The following FAM167A variants were observed in gnomAD, a reference collection of about 807,000 sequenced individuals.
FAM167A encodes family with sequence similarity 167 member A.
A neutral mutation model predicts 14.9 loss-of-function variants in FAM167A; 23 were observed. That is an observed-to-expected ratio of 1.55 (90% CI 1.11 to 2.19). FAM167A has a LOEUF of 2.19. FAM167A is among the 30% of genes most tolerant of loss of function. The pLI is 0.00. For missense variants in FAM167A, 401 were observed against 281.5 expected (o/e 1.42, Z -3.04); for synonymous variants, 174 against 117.7 (o/e 1.48, Z -3.10).
upstream of FAM167A, among the ~76,000 whole-genome samples, chr8:11,471,036 G>T (rs928725237): frequency 1.3e-5 from 2 of 152,230 alleles, no homozygotes; most frequent in African/African-American, 4.8e-5. Context: ...AGACATGGGA[G>T]TGTGGCGCAC....
rs777749973 is a variant in FAM167A at position 11,444,291 on chromosome 8, T to A, written c.121A>T (p.Thr41Ser). The change falls in exon 2 of 3, where the codon ACC becomes TCC. Residue 41 changes from threonine to serine, a missense_variant. Physicochemically the swap from Thr to Ser is moderately conservative, Grantham distance 58 (BLOSUM62 1). Transcript: ENST00000284486. ...CATTCCAGGTAGGAGGGCCTGCGGG[T>A]CTCCAGCCTCAGTTTCTCGGTGAGG... ...KALTEKLRLETRRPSYLEWQA... is the reference protein window; with the variant it reads ...KALTEKLRLESRRPSYLEWQA... 10 of 1,611,444 alleles carry A rather than the reference T, an allele frequency of 6.2e-6. No homozygotes were observed.
rs1458370578 is a variant in FAM167A at position 11,424,560 on chromosome 8, A to G, written c.458T>C (p.Ile153Thr). Residue 153 changes from isoleucine to threonine, a missense_variant, in exon 3 of 3, where the codon ATC becomes ACC. Physicochemically the swap from Ile to Thr is moderately conservative, Grantham distance 89 (BLOSUM62 -1). Coordinates refer to ENST00000284486, the MANE Select transcript of FAM167A (RefSeq NM_053279.3). Reference protein sequence around the residue: ...RLRGDINKLKIEHTCRLHRRM... With the variant: ...RLRGDINKLKTEHTCRLHRRM... ...CCTGTGGAGGCGGCAGGTGTGTTCG[A>G]TTTTCAGCTTGTTGATGTCGCCACG... 6 of 1,613,844 alleles carry G rather than the reference A, an allele frequency of 3.7e-6. No individual in the cohort carries two copies. The highest frequency in any genetic ancestry group is 3.4e-6 in the Non-Finnish European group (4 of 1,179,884).
chr8:11,434,474 C>T (rs1357793895), intron 2 of FAM167A, among the ~76,000 whole-genome samples: 4 of 152,172 alleles, frequency 2.6e-5, no homozygotes, highest in African/African-American at 2.4e-5. Context: ...GCTCCTGTGC[C>T]CCCTGGGGAA....
intron 1 of FAM167A, among the ~76,000 whole-genome samples, chr8:11,462,002 G>C (rs1277590099): frequency 6.6e-6 from 1 of 152,212 alleles, no homozygotes; most frequent in African/African-American, 2.4e-5. Context: ...AGCCTGGCTT[G>C]GACTGCCCAG....
In FAM167A at chr8:11,421,721, C is replaced by T. The variant is rs929108665; in HGVS notation, c.*2652G>A. The T allele has an allele frequency of 7.5e-6, 3 of 398,904 alleles. No individual in the cohort carries two copies. The highest frequency in any genetic ancestry group is 6.2e-5 in the African/African-American group (3 of 48,600). 24.7% of individuals were successfully genotyped at this position (398,904 alleles called of 1,614,324 possible). A position where few individuals can be genotyped will look rare whatever the true frequency, so the allele number is the denominator to read the frequency against. On this transcript the variant is annotated 3_prime_UTR_variant, in exon 3 of 3. Coordinates refer to ENST00000284486, the MANE Select transcript of FAM167A (RefSeq NM_053279.3). ...GGCATCAAGACATGACCACGCATGG[C>T]AGTGTCGGTGGAGAGTTTGCGTTTT...
Position 11,423,309 on chromosome 8 carries a change from T to C in FAM167A, c.*1064A>G, listed in dbSNP as rs998891818. ...GGGAGAAACTCTTAAAATCAAATCC[T>C]ACGCACTGTAGTTGACCTACACAAG... On this transcript the variant is annotated 3_prime_UTR_variant, in exon 3 of 3. Transcript: ENST00000284486. The C allele has an allele frequency of 2.0e-5, 3 of 152,424 alleles. No homozygotes were observed. Among genetic ancestry groups the C allele is most frequent in the Non-Finnish European group, 4.4e-5 (3 of 68,016 alleles). The allele number at this position is 152,424 out of a possible 1,614,324, so 9.4% of individuals were successfully genotyped here.
intron 1 of FAM167A, among the ~76,000 whole-genome samples, chr8:11,460,653 A>AT (rs1386052424): frequency 6.6e-6 from 1 of 151,916 alleles, no homozygotes; most frequent in South Asian, 2.1e-4. Flanking sequence ...GCATTTGCAA[A>AT]TTTTTTTCCC....
At chr8:11,465,517 A>C (rs772142279) in intron 1 of FAM167A, among the ~76,000 whole-genome samples, 1 of 152,216 alleles carries the variant, frequency 6.6e-6, no homozygotes, top group African/African-American at 2.4e-5. Flanking sequence ...CTCAAGAAAG[A>C]AGAGCTGTCA....
At chr8:11,429,461 G>A (rs1805420579) in intron 2 of FAM167A, among the ~76,000 whole-genome samples, 1 of 152,202 alleles carries the variant, frequency 6.6e-6, no homozygotes, top group Admixed American at 6.5e-5. Flanking sequence ...CTCTGCCAAG[G>A]GGCCCCCTGG....
rs541980949 is a variant in FAM167A, at chr8:11,445,278, G to A, written c.-397-470C>T. On this transcript the variant is annotated intron_variant, in intron 1 of 2. Coordinates refer to ENST00000284486, the MANE Select transcript of FAM167A (RefSeq NM_053279.3). ...CAGCAGGGAAACCGCACCCCACACAGGCTAAGGTGGGTCTGCTCCGTCCAG... is the reference window on the plus strand; with the variant it reads ...CAGCAGGGAAACCGCACCCCACACAAGCTAAGGTGGGTCTGCTCCGTCCAG... The A allele has an allele frequency of 1.6e-5, 16 of 985,662 alleles. No homozygotes were observed. In the South Asian group the frequency reaches 4.7e-4, roughly 29 times the overall value. The allele number at this position is 985,662 out of a possible 1,614,324, so 61.1% of individuals were successfully genotyped here.
rs183151050 is a variant in FAM167A at position 11,422,762 on chromosome 8, G to A, written c.*1611C>T. 184 of 152,280 alleles carry A rather than the reference G, an allele frequency of 1.2e-3. No individual in the cohort carries two copies. Among genetic ancestry groups the A allele is most frequent in the African/African-American group, 4.4e-3 (182 of 41,504 alleles). 9.4% of individuals were successfully genotyped at this position (152,280 alleles called of 1,614,324 possible). ...TGTGGGTGGACACGGGCCCCACTGA[G>A]ATTACACAGGAAGAAGTCACAGTAG... On this transcript the variant is annotated 3_prime_UTR_variant, in exon 3 of 3. Coordinates refer to ENST00000284486, the MANE Select transcript of FAM167A (RefSeq NM_053279.3).
intron 1 of FAM167A, among the ~76,000 whole-genome samples, chr8:11,458,210 C>T (rs75786143): frequency 1.3e-5 from 2 of 152,298 alleles, no homozygotes; most frequent in African/African-American, 2.4e-5. Context: ...CATCCTTCCG[C>T]GATAGCCTTA....
intron 2 of FAM167A, among the ~76,000 whole-genome samples, chr8:11,436,976 G>A: frequency 6.6e-6 from 1 of 152,196 alleles, no homozygotes; most frequent in East Asian, 1.9e-4. Context: ...ATTCCTGCCT[G>A]CGCCTCCAAA....
At chr8:11,450,923 C>T (rs906357205) in intron 1 of FAM167A, among the ~76,000 whole-genome samples, 3 of 152,202 alleles carry the variant, frequency 2.0e-5, no homozygotes, top group South Asian at 2.1e-4. Flanking sequence ...AAGACAGGAA[C>T]AGCTGCAGCT....
intron 1 of FAM167A, among the ~76,000 whole-genome samples, chr8:11,454,589 A>C (rs1409919881): frequency 6.6e-6 from 1 of 152,196 alleles, no homozygotes; most frequent in Non-Finnish European, 1.5e-5. Context: ...GGGGTTTCAT[A>C]CACAGAAAAT....
chr8:11,432,038 C>T (rs1444198524), intron 2 of FAM167A, among the ~76,000 whole-genome samples: 1 of 151,840 alleles, frequency 6.6e-6, no homozygotes, highest in Non-Finnish European at 1.5e-5. Context: ...TTGGGAAAGG[C>T]AGCATTTTTG....
chr8:11,425,890 T>C (rs1805107181), intron 2 of FAM167A, among the ~76,000 whole-genome samples: 1 of 152,190 alleles, frequency 6.6e-6, no homozygotes, highest in Non-Finnish European at 1.5e-5. Flanking sequence ...AACCATCTCT[T>C]GTGGGAGATA....
At chr8:11,440,445 G>C (rs1336332870) in intron 2 of FAM167A, among the ~76,000 whole-genome samples, 2 of 152,224 alleles carry the variant, frequency 1.3e-5, no homozygotes, top group African/African-American at 4.8e-5. Flanking sequence ...GAGCTGTTAG[G>C]ATCCTCCCAG....
At chr8:11,434,727 G>C (rs1805877791) in intron 2 of FAM167A, 2 of 246,798 alleles carry the variant, frequency 8.1e-6, no homozygotes, top group Non-Finnish European at 1.6e-5. Flanking sequence ...GGGGCTCTGG[G>C]TTCCAGTCCT....
Sources: allele counts gnomAD v4.1 joint callset (sites outside exome capture counted in the v4.1 genomes callset), GRCh38; gene constraint gnomAD v4.1.1; transcripts MANE v1.5; gene names NCBI Gene and HGNC (gene_info 2026-07-23, HGNC 2026-07-21).